VPS13C: variants seen among roughly 807,000 people sequenced by gnomAD.
VPS13C encodes intermembrane lipid transfer protein VPS13C.
VPS13C carries 358 observed loss-of-function variants against 456.8 expected under a neutral mutation model. The ratio of observed to expected loss-of-function variants is 0.78; its 90% CI spans 0.72 to 0.86. VPS13C has a LOEUF of 0.86. Among genes scored for constraint, VPS13C ranks in the 40% least tolerant of loss-of-function variants. The pLI, the probability that VPS13C is intolerant of heterozygous loss-of-function variation, is 0.00. For synonymous variants in VPS13C, 1,578 were observed against 1,486.7 expected, an observed-to-expected ratio of 1.06 and a Z score of -1.41; for missense variants, 4,818 against 4,385.4, an observed-to-expected ratio of 1.10 and a Z score of -2.79.
chr15:61,959,390 A>G, intron 36 of VPS13C, 58 bp downstream of exon 36: 3 of 1,442,022 alleles, frequency 2.1e-6, no homozygotes, highest in Admixed American at 2.2e-5. Flanking sequence ...ATTTCTGCTA[A>G]AAGTCTTTGG....
intron 1 of VPS13C, 48 bp downstream of exon 1, chr15:62,060,227 G>T: frequency 8.7e-7 from 1 of 1,143,966 alleles, no homozygotes; most frequent in Non-Finnish European, 1.3e-6. Context: ...GCAGCCCTCG[G>T]CTGGGCCCTC....
intron 28 of VPS13C, among the ~76,000 whole-genome samples, chr15:61,968,899 T>A (rs1334183906): frequency 6.6e-6 from 1 of 152,128 alleles, no homozygotes; most frequent in African/African-American, 2.4e-5. Context: ...CACTTAATCT[T>A]TATTTAGCCT....
chr15:61,946,461 G>A, intron 43 of VPS13C, 51 bp from the exon 44 acceptor site: 1 of 1,344,314 alleles, frequency 7.4e-7, no homozygotes, highest in South Asian at 1.4e-5. Flanking sequence ...ACATGACTAA[G>A]CCAGTGGTAT....
intron 23 of VPS13C, 129 bp from the exon 24 acceptor site, chr15:61,977,328 C>A (rs1246953904): frequency 3.4e-6 from 2 of 587,206 alleles, no homozygotes; most frequent in Admixed American, 3.9e-5. Context: ...ATAAATTAAT[C>A]CAGAATCAAT....
At chr15:61,959,386 G>C in intron 36 of VPS13C, 62 bp downstream of exon 36, 1 of 1,421,490 alleles carries the variant, frequency 7.0e-7, no homozygotes, top group Non-Finnish European at 9.4e-7. Flanking sequence ...TTGGATTTCT[G>C]CTAAAAGTCT....
chr15:61,930,897 A>C (rs186061871), intron 50 of VPS13C, among the ~76,000 whole-genome samples, 193 bp downstream of exon 50: 2 of 152,324 alleles, frequency 1.3e-5, no homozygotes, highest in Admixed American at 1.3e-4. Context: ...TTTATAATTA[A>C]ACTTCCCTTT....
At chr15:61,977,005 C>T (rs553142255) in intron 24 of VPS13C, 77 bp downstream of exon 24, 6 of 1,018,068 alleles carry the variant, frequency 5.9e-6, no homozygotes, top group South Asian at 1.5e-5. Flanking sequence ...TCTATCTTTG[C>T]TTCCTTAAAT....
At chr15:61,964,564 T>C (rs1183047832) in intron 31 of VPS13C, 135 bp downstream of exon 31, 12 of 817,772 alleles carry the variant, frequency 1.5e-5, no homozygotes, top group Non-Finnish European at 1.9e-5. Flanking sequence ...CATCAGGTGC[T>C]CGCATATAAT....
intron 27 of VPS13C, among the ~76,000 whole-genome samples, chr15:61,971,502 C>T (rs1182315632): frequency 1.3e-5 from 2 of 152,130 alleles, no homozygotes; most frequent in African/African-American, 4.8e-5. Context: ...CTCAGATGAT[C>T]CACCCACCTC....
intron 43 of VPS13C, 65 bp from the exon 44 acceptor site, chr15:61,946,475 A>C: frequency 8.6e-7 from 1 of 1,160,756 alleles, no homozygotes; most frequent in Non-Finnish European, 1.2e-6. Context: ...GTGGTATTTA[A>C]GTTCAATAAT....
intron 1 of VPS13C, among the ~76,000 whole-genome samples, chr15:62,052,438 G>A (rs1003389114): frequency 1.3e-5 from 2 of 152,084 alleles, no homozygotes; most frequent in African/African-American, 4.8e-5. Flanking sequence ...CACTTTGGAA[G>A]GCTGAGGCAG....
At position 61,958,619 on chromosome 15, in the gene VPS13C, A is replaced by T; in HGVS notation, c.4154T>A (p.Val1385Glu). 1 of 1,566,102 alleles carries T rather than the reference A, an allele frequency of 6.4e-7. No individual in the cohort carries two copies. Among genetic ancestry groups the T allele is most frequent in the Non-Finnish European group, 8.6e-7 (1 of 1,156,234 alleles). ...TEDLDKVKPR[V>E]QETGEIKEPL... ...TGTCAGCCTCTTACCTGTCTCTTGTACTCTTGGTTTCACTTTATCCAAGTC... is the reference window on the plus strand; with the variant it reads ...TGTCAGCCTCTTACCTGTCTCTTGTTCTCTTGGTTTCACTTTATCCAAGTC... The change falls in exon 37 of 85, where the codon GTA becomes GAA. Residue 1385 changes from valine to glutamate, a missense_variant. Transcript: ENST00000644861.
intron 13 of VPS13C, among the ~76,000 whole-genome samples, chr15:62,009,501 T>C (rs2046972818): frequency 6.6e-6 from 1 of 152,228 alleles, no homozygotes; most frequent in South Asian, 2.1e-4. Context: ...TTTTAAGTGA[T>C]GTGAAATGTC....
rs144471848 is a variant in VPS13C at position 62,054,373 on chromosome 15, G to GT, written c.100+5901dup. Among the ~76,000 whole-genome samples, 1,006 of 151,600 alleles carry GT rather than the reference G, an allele frequency of 6.6e-3. 15 individuals are homozygous for GT. Among genetic ancestry groups the GT allele is most frequent in the African/African-American group, 0.023 (969 of 41,476 alleles). The stretch of plus-strand genomic sequence containing the variant: ...AGCATAAATTCAAAGGCAAATAGAG[G>GT]TTTTTTTTAAAAGAAATTTGTTTGG... On this transcript the variant is annotated intron_variant, in intron 1 of 84. Coordinates refer to ENST00000644861, the MANE Select transcript of VPS13C (RefSeq NM_020821.3).
At position 61,915,999 on chromosome 15, in the gene VPS13C, C is replaced by A. The variant is rs759597903; in HGVS notation, c.8079G>T (p.Leu2693=). The A allele has an allele frequency of 6.3e-7, 1 of 1,593,034 alleles. No homozygotes were observed. The highest frequency in any genetic ancestry group is 8.6e-7 in the Non-Finnish European group (1 of 1,164,864). ...LLEGTAETHE[L]AEGSTADVLH... is the part of the protein sequence containing the mutation. ...GAACATCAGCAGTACTGCCTTCTGC[C>A]AGCTCATGAGTTTCTGCTGTTCCCT... The change falls in exon 61 of 85, where the codon CTG becomes CTT. Residue 2693 remains leucine, a synonymous_variant. Coordinates refer to ENST00000644861, the MANE Select transcript of VPS13C (RefSeq NM_020821.3).
intron 81 of VPS13C, chr15:61,865,060 A>C: frequency 1.0e-6 from 1 of 984,866 alleles, no homozygotes; most frequent in Non-Finnish European, 1.2e-6. Context: ...ACTACTAAAA[A>C]CCCACTACAC....
intron 66 of VPS13C, among the ~76,000 whole-genome samples, chr15:61,902,744 C>G (rs956781745): frequency 6.6e-6 from 1 of 151,542 alleles, no homozygotes; most frequent in Non-Finnish European, 1.5e-5. Context: ...AACATCATAC[C>G]GAAGAAGGAA....
rs551419370 is a variant in VPS13C at position 62,015,661 on chromosome 15, T to C, written c.685-1669A>G. On this transcript the variant is annotated intron_variant, in intron 9 of 84. Transcript: ENST00000644861. ...TGAAATTGGAAACCATCATTCTCAG[T>C]AAACTATCGCAAGAACAAAAAACCA... Among the ~76,000 whole-genome samples, 284 of 138,784 alleles carry C rather than the reference T, an allele frequency of 2.0e-3. 2 individuals carry two copies. Among genetic ancestry groups the C allele is most frequent in the Middle Eastern group, 0.01 (3 of 288 alleles). The allele number at this position is 138,784 out of a possible 152,430, so 91.0% of individuals were successfully genotyped here.
intron 1 of VPS13C, among the ~76,000 whole-genome samples, chr15:62,049,648 G>T (rs188631831): frequency 0.013 from 1,991 of 152,306 alleles, 81 homozygotes; most frequent in Admixed American, 0.089. Flanking sequence ...GAAAGTCATT[G>T]GTAGCTTGAT....
Sources: gnomAD v4.1 joint callset for allele counts (sites outside exome capture counted in the v4.1 genomes callset) on GRCh38, gnomAD v4.1.1 for gene constraint, MANE v1.5 for transcripts, NCBI Gene and HGNC (gene_info 2026-07-23, HGNC 2026-07-21) for gene names.